The following TMEM245 variants were observed in gnomAD, a reference collection of about 807,000 sequenced individuals.
The protein encoded by TMEM245 is transmembrane protein 245, also known as protein CG-2.
In TMEM245, 69 loss-of-function variants were observed where a neutral mutation model predicts 101.2. The ratio of observed to expected loss-of-function variants is 0.68; its 90% confidence interval spans 0.56 to 0.83. The LOEUF (loss-of-function observed/expected upper bound fraction) is 0.83, where lower values mean the gene tolerates loss of function less well. Among genes scored for constraint, TMEM245 ranks in the 40% least tolerant of loss-of-function variants. TMEM245 has a pLI of 0.00. For missense variants in TMEM245, 1,075 were observed against 1,092.8 expected (o/e 0.98, Z 0.23); for synonymous variants, 537 against 449.8 (o/e 1.19, Z -2.45).
chr9:109,044,671 G>A (rs141278748), intron 14 of TMEM245, among the ~76,000 whole-genome samples: 2,516 of 152,158 alleles, frequency 0.017, 38 homozygotes, highest in Admixed American at 0.025. Flanking sequence ...ACATATTTAT[G>A]GGGTACATAA....
At chr9:109,099,258 C>T (rs1186630812) in intron 3 of TMEM245, among the ~76,000 whole-genome samples, 1 of 152,190 alleles carries the variant, frequency 6.6e-6, no homozygotes, top group African/African-American at 2.4e-5. Flanking sequence ...GCCTGTTTAA[C>T]TTGCAGTATC....
intron 9 of TMEM245, among the ~76,000 whole-genome samples, chr9:109,067,275 A>G (rs924930106): frequency 2.6e-5 from 4 of 152,170 alleles, no homozygotes; most frequent in Admixed American, 1.3e-4. Flanking sequence ...CTCAAGAGAC[A>G]TGGGGCCAGA....
intron 3 of TMEM245, among the ~76,000 whole-genome samples, chr9:109,099,142 G>C (rs1051118023): frequency 1.3e-5 from 2 of 152,160 alleles, no homozygotes; most frequent in Admixed American, 1.3e-4. Context: ...TCCCTTTGAA[G>C]AAGGCTTCTG....
At chr9:109,042,651 A>AT (rs1363774338) in intron 14 of TMEM245, among the ~76,000 whole-genome samples, 1 of 151,886 alleles carries the variant, frequency 6.6e-6, no homozygotes, top group East Asian at 1.9e-4. Context: ...TTCTAATAAA[A>AT]TTTTTTTATT....
chr9:109,113,912 G>A (rs1230732564), intron 1 of TMEM245, among the ~76,000 whole-genome samples: 1 of 151,992 alleles, frequency 6.6e-6, no homozygotes, highest in Non-Finnish European at 1.5e-5. Context: ...CAACATGGTG[G>A]AACCCCGTCT....
At chr9:109,100,079 G>C (rs1345816903) in intron 3 of TMEM245, among the ~76,000 whole-genome samples, 1 of 152,138 alleles carries the variant, frequency 6.6e-6, no homozygotes, top group Non-Finnish European at 1.5e-5. Context: ...GGACAAAACA[G>C]ACTAAGCCAT....
intron 17 of TMEM245, among the ~76,000 whole-genome samples, chr9:109,026,469 G>C (rs1298312741): frequency 6.6e-6 from 1 of 151,918 alleles, no homozygotes; most frequent in Non-Finnish European, 1.5e-5. Flanking sequence ...GGATTATCCA[G>C]ATAGAGAAAG....
At chr9:109,092,778 A>G (rs528704113) in intron 4 of TMEM245, among the ~76,000 whole-genome samples, 1 of 152,338 alleles carries the variant, frequency 6.6e-6, no homozygotes, top group Non-Finnish European at 1.5e-5. Flanking sequence ...GAACTCTGCA[A>G]GAGTACAGCA....
At chr9:109,115,476 G>GACTA (rs1830695561) in intron 1 of TMEM245, among the ~76,000 whole-genome samples, 1 of 148,490 alleles carries the variant, frequency 6.7e-6, no homozygotes, top group African/African-American at 2.5e-5. Flanking sequence ...GTTTCTAGAT[G>GACTA]ACTAGAATGC....
At chr9:109,105,159 AG>A (rs1830377677) in intron 3 of TMEM245, among the ~76,000 whole-genome samples, 2 of 152,214 alleles carry the variant, frequency 1.3e-5, no homozygotes, top group African/African-American at 4.8e-5. Flanking sequence ...AACAACAAAA[AG>A]GCAAACAATT....
chr9:109,084,084 T>TAG (rs1829764856), intron 7 of TMEM245, among the ~76,000 whole-genome samples: 4 of 140,952 alleles, frequency 2.8e-5, no homozygotes, highest in Non-Finnish European at 6.1e-5. Flanking sequence ...GTCTCAAATT[T>TAG]AAAAAAAAAA....
Position 109,119,406 on chromosome 9 carries a change from C to T in TMEM245, c.508G>A (p.Gly170Ser). 1 of 1,527,600 alleles carries T rather than the reference C, an allele frequency of 6.5e-7. No individual in the cohort carries two copies. Among genetic ancestry groups the T allele is most frequent in the South Asian group, 1.2e-5 (1 of 83,502 alleles). The allele number at this position is 1,527,600 out of a possible 1,614,324, so 94.6% of individuals were successfully genotyped here. Residue 170 changes from glycine (G) to serine (S), a missense_variant, in exon 1 of 18, where the codon GGC (glycine) becomes AGC (serine). This residue lies in a region of TMEM245 where 808 missense variants were observed against 741.5 expected (regional missense o/e 1.09). Transcript: ENST00000374586. ...GCGTGCACCAGCAGCACCTGCACGC[C>T]CAAGTAGCTGCCGAGGCAGTAGAGG... ...YGLYCLGSYLGVQVLLVHAAT... is the reference protein window; with the variant it reads ...YGLYCLGSYLSVQVLLVHAAT...
chr9:109,119,613 G>C lies in TMEM245; in HGVS notation c.301C>G (p.Leu101Val). The change falls in exon 1 of 18, where the codon CTG (leucine) becomes GTG (valine). Residue 101 changes from leucine (L) to valine (V), a missense_variant. Leu to Val is a conservative substitution (Grantham distance 32). Transcript: ENST00000374586. Reference sequence around the variant, plus strand: ...AGCCAGTGGCGGCCCAGGCGCGTCAGCGAGCTCTTGAAGGGGTGCAGAAAA... The same window carrying C: ...AGCCAGTGGCGGCCCAGGCGCGTCACCGAGCTCTTGAAGGGGTGCAGAAAA... ...GTFLHPFKSSLTRLGRHWLQR... is the reference protein window; with the variant it reads ...GTFLHPFKSSVTRLGRHWLQR... 1 of 1,558,874 alleles carries C rather than the reference G, an allele frequency of 6.4e-7. No individual in the cohort carries two copies. Among genetic ancestry groups the C allele is most frequent in the Non-Finnish European group, 8.7e-7 (1 of 1,155,586 alleles).
chr9:109,028,204 C>T (rs1827843873), intron 17 of TMEM245, among the ~76,000 whole-genome samples: 1 of 151,764 alleles, frequency 6.6e-6, no homozygotes, highest in Non-Finnish European at 1.5e-5. Flanking sequence ...AATCCCAGCA[C>T]TTTGGGAGGC....
At chr9:109,060,604 ACTC>A in intron 10 of TMEM245, 152 bp from the exon 11 acceptor site, 1 of 562,726 alleles carries the variant, frequency 1.8e-6, no homozygotes, top group Non-Finnish European at 3.1e-6. Context: ...CCTTAAATCT[ACTC>A]CTGAGTATTC....
intron 14 of TMEM245, among the ~76,000 whole-genome samples, chr9:109,049,332 C>A (rs1828601486): frequency 6.6e-6 from 1 of 152,202 alleles, no homozygotes; most frequent in South Asian, 2.1e-4. Flanking sequence ...ACCACCTCAA[C>A]CTCTTAAGTA....
chr9:109,054,003 C>A (rs777785580), intron 12 of TMEM245, among the ~76,000 whole-genome samples: 1 of 152,100 alleles, frequency 6.6e-6, no homozygotes. Flanking sequence ...CCTCAAAACG[C>A]CATTTCAACA....
In TMEM245 at chr9:109,119,891, T is replaced by A; in HGVS notation, c.23A>T (p.Lys8Met). The A allele has an allele frequency of 7.8e-7, 1 of 1,274,018 alleles. No homozygotes were observed. 78.9% of individuals were successfully genotyped at this position (1,274,018 alleles called of 1,614,324 possible). Residue 8 changes from lysine (K) to methionine (M), a missense_variant, in exon 1 of 18, where the codon AAG becomes ATG. By Grantham distance (95) the Lys-to-Met change is moderately conservative. This residue lies in a region of TMEM245 where 808 missense variants were observed against 741.5 expected (regional missense o/e 1.09). Coordinates refer to ENST00000374586, the MANE Select transcript of TMEM245 (RefSeq NM_032012.4). MADGGGP[K>M]DAPSLRSSPG... ...AGAGCTCCGCAGGCTTGGCGCGTCC[T>A]TAGGGCCGCCGCCGTCGGCCATCGT...
At chr9:109,105,949 T>A (rs1006013770) in intron 3 of TMEM245, among the ~76,000 whole-genome samples, 3 of 152,192 alleles carry the variant, frequency 2.0e-5, no homozygotes, top group Non-Finnish European at 4.4e-5. Flanking sequence ...AATTTTTGTA[T>A]TTTTAGTAGA....
Sources: gnomAD v4.1 joint callset for allele counts (sites outside exome capture counted in the v4.1 genomes callset) on GRCh38, gnomAD v4.1.1 for gene constraint, gnomAD v4.1.1 regional missense constraint, MANE v1.5 for transcripts, NCBI Gene and HGNC (gene_info 2026-07-23, HGNC 2026-07-21) for gene names.